The following ROBO2 variants were observed in gnomAD, a reference collection of about 807,000 sequenced individuals.
The protein encoded by ROBO2 is roundabout guidance receptor 2.
Under a neutral mutation model 160.8 loss-of-function variants are expected in ROBO2, and 53 were observed. The ratio of observed to expected loss-of-function variants is 0.33; its 90% CI spans 0.26 to 0.41. ROBO2 has a LOEUF of 0.41. ROBO2 is among the 10% of genes least tolerant of loss of function. ROBO2 has a pLI of 1.00. For synonymous variants in ROBO2, 664 were observed against 611.7 expected, an observed-to-expected ratio of 1.09 and a Z score of -1.26; for missense variants, 1,577 against 1,722.4, an observed-to-expected ratio of 0.92 and a Z score of 1.49.
intron 2 of ROBO2, among the ~76,000 whole-genome samples, chr3:76,241,418 T>G: frequency 6.6e-6 from 1 of 152,236 alleles, no homozygotes; most frequent in East Asian, 1.9e-4. Context: ...GGGTGCTGTT[T>G]TAGCGCAGAA....
At chr3:76,460,294 G>A (rs900580438) in intron 2 of ROBO2, among the ~76,000 whole-genome samples, 6 of 151,946 alleles carry the variant, frequency 3.9e-5, no homozygotes, top group Middle Eastern at 3.2e-3. Context: ...ACATATCAAG[G>A]TAAGCCATTA....
At chr3:76,302,191 AT>A (rs1379181509) in intron 2 of ROBO2, among the ~76,000 whole-genome samples, 1 of 152,116 alleles carries the variant, frequency 6.6e-6, no homozygotes, top group Non-Finnish European at 1.5e-5. Context: ...TTCCTAATTG[AT>A]AATAGGAATT....
chr3:76,755,862 A>G (rs189107716), intron 2 of ROBO2, among the ~76,000 whole-genome samples: 3 of 151,970 alleles, frequency 2.0e-5, no homozygotes, highest in Non-Finnish European at 4.4e-5. Flanking sequence ...CAAAGCTTGT[A>G]ATAGAAAAAC....
At chr3:77,185,258 G>C (rs1447449696) in intron 2 of ROBO2, among the ~76,000 whole-genome samples, 1 of 151,952 alleles carries the variant, frequency 6.6e-6, no homozygotes, top group Admixed American at 6.6e-5. Context: ...TTCAGATATA[G>C]ATAAAGTGGA....
chr3:76,079,729 G>A (rs550911938), intron 2 of ROBO2, among the ~76,000 whole-genome samples: 10 of 151,828 alleles, frequency 6.6e-5, no homozygotes, highest in African/African-American at 2.2e-4. Context: ...CAGGCAATCC[G>A]TCTGCCTTGG....
At chr3:76,512,922 A>T (rs1034824865) in intron 2 of ROBO2, among the ~76,000 whole-genome samples, 1 of 152,174 alleles carries the variant, frequency 6.6e-6, no homozygotes. Context: ...GCGGGCTGGG[A>T]TAACAGCCAT....
At chr3:76,165,765 G>A (rs1298767216) in intron 2 of ROBO2, among the ~76,000 whole-genome samples, 1 of 152,064 alleles carries the variant, frequency 6.6e-6, no homozygotes, top group Non-Finnish European at 1.5e-5. Context: ...CAATATTGTT[G>A]TATCTCAGAG....
chr3:76,781,897 T>C (rs182716405), intron 2 of ROBO2, among the ~76,000 whole-genome samples: 163 of 150,880 alleles, frequency 1.1e-3, no homozygotes, highest in South Asian at 9.3e-3. Context: ...TATAAATGTT[T>C]CTTCCTCTTC....
chr3:76,465,934 A>G (rs1195151484), intron 2 of ROBO2, among the ~76,000 whole-genome samples: 1 of 151,498 alleles, frequency 6.6e-6, no homozygotes, highest in African/African-American at 2.4e-5. Context: ...TTTTCCTACC[A>G]TACATTTTCT....
intron 2 of ROBO2, among the ~76,000 whole-genome samples, chr3:76,776,938 G>A (rs2062306263): frequency 6.6e-6 from 1 of 150,824 alleles, no homozygotes; most frequent in African/African-American, 2.4e-5. Flanking sequence ...TATATTATGA[G>A]GTAACAATTT....
chr3:77,134,889 A>C (rs1266754561), intron 2 of ROBO2, among the ~76,000 whole-genome samples: 3 of 152,208 alleles, frequency 2.0e-5, no homozygotes, highest in African/African-American at 7.2e-5. Context: ...ATTTTCCTCT[A>C]CTGTGGATCA....
At chr3:76,974,770 C>T (rs2059731852) in intron 2 of ROBO2, among the ~76,000 whole-genome samples, 1 of 152,094 alleles carries the variant, frequency 6.6e-6, no homozygotes, top group Non-Finnish European at 1.5e-5. Context: ...ATGTTTTTGG[C>T]CTCTCTTCCC....
At chr3:76,285,486 T>C (rs1708463219) in intron 2 of ROBO2, among the ~76,000 whole-genome samples, 2 of 151,988 alleles carry the variant, frequency 1.3e-5, no homozygotes, top group South Asian at 4.1e-4. Flanking sequence ...AAATTTAATA[T>C]ATTTTACTAT....
intron 2 of ROBO2, among the ~76,000 whole-genome samples, chr3:77,242,014 G>A (rs1466223707): frequency 1.3e-5 from 2 of 152,122 alleles, no homozygotes; most frequent in Non-Finnish European, 2.9e-5. Flanking sequence ...TTGCTAATAT[G>A]CGGGAAATAA....
At chr3:75,951,539 A>G (rs1317893575) in intron 2 of ROBO2, among the ~76,000 whole-genome samples, 1 of 152,082 alleles carries the variant, frequency 6.6e-6, no homozygotes, top group Non-Finnish European at 1.5e-5. Flanking sequence ...TGCCATATAT[A>G]TATGAAATGT....
chr3:76,528,632 A>G (rs2108012498), intron 2 of ROBO2, among the ~76,000 whole-genome samples: 1 of 152,032 alleles, frequency 6.6e-6, no homozygotes, highest in South Asian at 2.1e-4. Context: ...AACTGGAAAA[A>G]TCAAGCAGAT....
intron 2 of ROBO2, among the ~76,000 whole-genome samples, chr3:76,515,840 AC>A (rs2081323267): frequency 6.6e-6 from 1 of 152,160 alleles, no homozygotes; most frequent in African/African-American, 2.4e-5. Context: ...CTTATAGAAA[AC>A]CTAAACTGTT....
At chr3:75,940,212 G>T (rs114609619) in intron 2 of ROBO2, among the ~76,000 whole-genome samples, 1 of 151,920 alleles carries the variant, frequency 6.6e-6, no homozygotes, top group Non-Finnish European at 1.5e-5. Flanking sequence ...TTAAAAAAAC[G>T]GAAGACAAAA....
chr3:76,993,078 A>G (rs1181930613), intron 2 of ROBO2, among the ~76,000 whole-genome samples: 1 of 152,148 alleles, frequency 6.6e-6, no homozygotes, highest in Non-Finnish European at 1.5e-5. Flanking sequence ...TCAGCCTCCC[A>G]AAGTGCTGGG....
Sources: gnomAD v4.1 joint callset for allele counts (sites outside exome capture counted in the v4.1 genomes callset) on GRCh38, gnomAD v4.1.1 for gene constraint, MANE v1.5 for transcripts, NCBI Gene and HGNC (gene_info 2026-07-23, HGNC 2026-07-21) for gene names.